Variants in ANKRD27 observed in about 807,000 individuals in gnomAD.
The protein encoded by ANKRD27 is ankyrin repeat domain 27.
Under a neutral mutation model 129.7 loss-of-function variants are expected in ANKRD27, and 112 were observed. The observed-to-expected ratio is 0.86, with a 90% CI of 0.74 to 1.01. The LOEUF (loss-of-function observed/expected upper bound fraction) is 1.01. Ranked by LOEUF, ANKRD27 falls within the 50% of genes least tolerant of loss-of-function variation. The probability of loss-of-function intolerance (pLI) is 0.00; values close to 1 mark genes in which losing one functional copy is unlikely to be tolerated. For synonymous variants in ANKRD27, 516 were observed against 511.2 expected, an observed-to-expected ratio of 1.01 and a Z score of -0.13; for missense variants, 1,258 against 1,300.5, an observed-to-expected ratio of 0.97 and a Z score of 0.50.
chr19:32,599,880 G>GT, intron 27 of ANKRD27, 92 bp downstream of exon 27: 3 of 1,510,180 alleles, frequency 2.0e-6, no homozygotes, highest in Non-Finnish European at 2.7e-6. Flanking sequence ...GTGCAGATTT[G>GT]TCCATAACCA....
At chr19:32,635,666 GA>G (rs1967075673) in intron 12 of ANKRD27, among the ~76,000 whole-genome samples, 1 of 151,944 alleles carries the variant, frequency 6.6e-6, no homozygotes, top group Non-Finnish European at 1.5e-5. Flanking sequence ...GCAGAAGAAA[GA>G]AACTTTTCAG....
chr19:32,619,144 G>T (rs896839272), intron 20 of ANKRD27, 116 bp downstream of exon 20: 9 of 1,392,966 alleles, frequency 6.5e-6, no homozygotes, highest in Non-Finnish European at 6.8e-6. Context: ...AGCGGCCTCA[G>T]CATGGGCAAG....
At chr19:32,633,083 C>A (rs1967027146) in intron 12 of ANKRD27, among the ~76,000 whole-genome samples, 1 of 152,076 alleles carries the variant, frequency 6.6e-6, no homozygotes, top group Admixed American at 6.6e-5. Context: ...ACATTGTTAT[C>A]CGGGTAAATC....
chr19:32,615,449 T>C (rs544325937), intron 22 of ANKRD27, among the ~76,000 whole-genome samples: 3 of 152,192 alleles, frequency 2.0e-5, no homozygotes, highest in Admixed American at 1.3e-4. Flanking sequence ...CCAGGTGTGG[T>C]GGTGCATGCC....
At chr19:32,624,688 C>T (rs1006166786) in intron 17 of ANKRD27, among the ~76,000 whole-genome samples, 12 of 152,144 alleles carry the variant, frequency 7.9e-5, no homozygotes, top group Non-Finnish European at 5.9e-5. Context: ...TGCCTGTATT[C>T]CCAGAACTTT....
At chr19:32,644,793 A>G (rs992306113) in intron 4 of ANKRD27, among the ~76,000 whole-genome samples, 3 of 152,226 alleles carry the variant, frequency 2.0e-5, no homozygotes, top group African/African-American at 7.2e-5. Context: ...TTATTTATTA[A>G]AAATAACGAA....
intron 16 of ANKRD27, 27 bp from the exon 17 acceptor site, chr19:32,625,993 C>G (rs1200400408): frequency 6.4e-7 from 1 of 1,569,632 alleles, no homozygotes; most frequent in East Asian, 2.3e-5. Context: ...AAGCGATGAG[C>G]AGGGCACAGC....
intron 25 of ANKRD27, among the ~76,000 whole-genome samples, chr19:32,603,967 CTA>C (rs1971690516): frequency 6.6e-6 from 1 of 152,138 alleles, no homozygotes; most frequent in African/African-American, 2.4e-5. Flanking sequence ...GTGCCTGACT[CTA>C]TGTAACTACC....
chr19:32,664,903 G>A (rs1173449805), intron 1 of ANKRD27, among the ~76,000 whole-genome samples: 3 of 126,000 alleles, frequency 2.4e-5, no homozygotes, highest in Non-Finnish European at 4.7e-5. Context: ...CTGGGTGACA[G>A]AGTGAGACTC....
In ANKRD27 at chr19:32,639,395, A is replaced by G. The variant is rs1967151555; in HGVS notation, c.1077T>C (p.Ile359=). ...AGAGGCTTCCTTGCCGAATATATTC[A>G]ATGGCAGCTTCGAATGAGGTCAGGC... ...GYCLTSFEAA[I]EYIRQGSLSA... is the part of the protein sequence containing the mutation. Residue 359 remains isoleucine (I), a synonymous_variant, in exon 12 of 29, where the codon ATT becomes ATC. Transcript: ENST00000306065. The G allele has an allele frequency of 1.2e-6, 2 of 1,614,230 alleles. No homozygotes were observed. The highest frequency in any genetic ancestry group is 1.7e-6 in the Non-Finnish European group (2 of 1,180,040).
At chr19:32,632,887 A>C (rs1967021855) in intron 12 of ANKRD27, among the ~76,000 whole-genome samples, 1 of 152,194 alleles carries the variant, frequency 6.6e-6, no homozygotes. Flanking sequence ...GGGATAGGCC[A>C]TTCCTGGGGT....
At chr19:32,666,307 A>G (rs1432182317) in intron 1 of ANKRD27, 1 of 152,252 alleles carries the variant, frequency 6.6e-6, no homozygotes, top group Non-Finnish European at 1.5e-5. Context: ...TACAGATAAA[A>G]TAAGAATCAG....
chr19:32,606,019 A>G, intron 23 of ANKRD27, 65 bp from the exon 24 acceptor site: 1 of 1,416,144 alleles, frequency 7.1e-7, no homozygotes, highest in Non-Finnish European at 9.5e-7. Context: ...CCAGAGAAAA[A>G]TTATGAAAAA....
intron 22 of ANKRD27, among the ~76,000 whole-genome samples, chr19:32,614,276 A>C (rs1971878952): frequency 6.6e-6 from 1 of 152,188 alleles, no homozygotes; most frequent in South Asian, 2.1e-4. Flanking sequence ...TACTTCGATA[A>C]AGGATTTAAA....
At chr19:32,672,280 A>G (rs1396389547) in intron 1 of ANKRD27, among the ~76,000 whole-genome samples, 1 of 152,250 alleles carries the variant, frequency 6.6e-6, no homozygotes, top group Non-Finnish European at 1.5e-5. Flanking sequence ...TATTTTTCAC[A>G]CCAATGGAAG....
At chr19:32,619,200 A>C (rs979023827) in intron 20 of ANKRD27, 60 bp downstream of exon 20, 3 of 1,563,480 alleles carry the variant, frequency 1.9e-6, no homozygotes, top group Non-Finnish European at 2.6e-6. Flanking sequence ...CTTCAGCTGG[A>C]CACCACTGCC....
In ANKRD27 at chr19:32,640,506, G is replaced by A. The variant is rs1967178778; in HGVS notation, c.905-121C>T. The stretch of plus-strand genomic sequence containing the variant: ...GTATCAGGGAGATCATACACTGGGG[G>A]AGAAATGTCATTGCACAAGCTCCTT... On this transcript the variant is annotated intron_variant, in intron 10 of 28. Coordinates refer to ENST00000306065, the MANE Select transcript of ANKRD27 (RefSeq NM_032139.3). 10 of 790,070 alleles carry A rather than the reference G, an allele frequency of 1.3e-5. No individual in the cohort carries two copies. The Admixed American group carries it at 2.0e-4, about 16-fold the overall frequency. 48.9% of individuals were successfully genotyped at this position (790,070 alleles called of 1,614,324 possible).
chr19:32,665,309 A>G (rs1313731425), intron 1 of ANKRD27, among the ~76,000 whole-genome samples: 3 of 111,548 alleles, frequency 2.7e-5, no homozygotes, highest in Non-Finnish European at 5.7e-5. Context: ...TTTTTTTTTG[A>G]GACAGAGTCT....
At chr19:32,643,707 GCA>G (rs1568412398) in intron 5 of ANKRD27, 76 bp from the exon 6 acceptor site, 1 of 1,461,182 alleles carries the variant, frequency 6.8e-7, no homozygotes. Context: ...CGGGTAAGGC[GCA>G]CAGAGCTTCA....
Sources: allele counts gnomAD v4.1 joint callset (sites outside exome capture counted in the v4.1 genomes callset), GRCh38; gene constraint gnomAD v4.1.1; transcripts MANE v1.5; gene names NCBI Gene and HGNC (gene_info 2026-07-23, HGNC 2026-07-21).